The following PROM2 variants were observed in gnomAD, a reference collection of about 807,000 sequenced individuals.
The protein encoded by PROM2 is prominin-2.
Under a neutral mutation model 110.2 loss-of-function variants are expected in PROM2, and 90 were observed. The observed-to-expected ratio is 0.82, with a 90% CI of 0.69 to 0.97. The LOEUF (loss-of-function observed/expected upper bound fraction) is 0.97. PROM2 is among the 50% of genes least tolerant of loss of function. PROM2 has a pLI of 0.00. For synonymous variants in PROM2, 470 were observed against 467.8 expected (o/e 1.00, Z -0.06); for missense variants, 1,009 against 1,074.8 (o/e 0.94, Z 0.86).
chr2:95,277,267 CA>C lies in PROM2; in HGVS notation c.773-96del, dbSNP rs1676725680. On this transcript the variant is annotated intron_variant, in intron 6 of 23. Transcript: ENST00000317620. ...CTGTAGGCAGGAGGTCAATGATTTGCAGGTCCCTTTGGCTGGGGGAGGGGAG... is the reference window on the plus strand; with the variant it reads ...CTGTAGGCAGGAGGTCAATGATTTGCGGTCCCTTTGGCTGGGGGAGGGGAG... 3.7e-6 allele frequency: 5 copies of C among 1,347,280 alleles called. No individual in the cohort carries two copies. The South Asian group carries it at 6.9e-5, about 19-fold the overall frequency. 83.5% of individuals were successfully genotyped at this position (1,347,280 alleles called of 1,614,324 possible).
rs1676551607 is a variant in PROM2, at chr2:95,274,815, A to T, written c.230A>T (p.Asn77Ile). The T allele has an allele frequency of 1.3e-6, 2 of 1,549,410 alleles. No homozygotes were observed. The highest frequency in any genetic ancestry group is 1.7e-6 in the Non-Finnish European group (2 of 1,149,292). Reference protein sequence around the residue: ...VRRFLSVVQLNPFPSELVKAL... With the variant: ...VRRFLSVVQLIPFPSELVKAL... ...CGCTTCCTCTCGGTGGTGCAGCTCA[A>T]TCCTTTCCCTTCAGGTGAGTGTGCC... Residue 77 changes from asparagine (N) to isoleucine (I), a missense_variant, in exon 1 of 24, where the codon AAT becomes ATT. Asn to Ile is a moderately radical substitution (Grantham distance 149, BLOSUM62 -3). Coordinates refer to ENST00000317620, the MANE Select transcript of PROM2 (RefSeq NM_001165978.3).
chr2:95,285,391 G>C (rs1250437405), intron 15 of PROM2, among the ~76,000 whole-genome samples: 1 of 152,210 alleles, frequency 6.6e-6, no homozygotes, highest in Non-Finnish European at 1.5e-5. Context: ...GGACGCATTG[G>C]GAAGTTGCCT....
At chr2:95,283,371 ACAATGTAC>A (rs1677157642) in intron 14 of PROM2, among the ~76,000 whole-genome samples, 1 of 152,206 alleles carries the variant, frequency 6.6e-6, no homozygotes, top group African/African-American at 2.4e-5. Context: ...AGGCCACCTG[ACAATGTAC>A]CAAATGTGGC....
chr2:95,287,551 G>A (rs1454609959), intron 20 of PROM2, 87 bp downstream of exon 20: 23 of 1,408,854 alleles, frequency 1.6e-5, no homozygotes, highest in Non-Finnish European at 2.0e-5. Context: ...CGCCCCCGGA[G>A]CCCCTTGGGG....
chr2:95,277,402 G>A lies in PROM2; in HGVS notation c.811G>A (p.Ala271Thr), dbSNP rs749256106. Residue 271 changes from alanine (A) to threonine (T), a missense_variant, in exon 7 of 24, where the codon GCT becomes ACT. Transcript: ENST00000317620. ...CGTGCACCACCTGCAAACCTTGAAT[G>A]CTACAGTGGTAGAGCTGCAGGCCGG... ...VSVHHLQTLN[A>T]TVVELQAGQQ... is the part of the protein sequence containing the mutation. 17 of 1,613,288 alleles carry A rather than the reference G, an allele frequency of 1.1e-5. No homozygotes were observed. Among genetic ancestry groups the A allele is most frequent in the Non-Finnish European group, 1.3e-5 (15 of 1,179,888 alleles).
chr2:95,278,474 G>A (rs1021867827), intron 8 of PROM2: 42 of 592,204 alleles, frequency 7.1e-5, no homozygotes, highest in Non-Finnish European at 1.1e-4. Flanking sequence ...TGTGGAGGGC[G>A]GCTGAGAGTT....
rs896996529 is a variant in PROM2, at chr2:95,289,284, C to T, written c.*71C>T. The T allele has an allele frequency of 2.4e-5, 12 of 494,050 alleles. No individual in the cohort carries two copies. Among genetic ancestry groups the T allele is most frequent in the South Asian group, 4.3e-5 (2 of 46,094 alleles). 30.6% of individuals were successfully genotyped at this position (494,050 alleles called of 1,614,324 possible). ...TGATTTAGCCTGGGCCACAGGACTT[C>T]GGTAGCTCTTGCCCCAGAGCCCAGG... On this transcript the variant is annotated 3_prime_UTR_variant, in exon 24 of 24. Transcript: ENST00000317620.
At chr2:95,287,526 G>T in intron 20 of PROM2, 62 bp downstream of exon 20, 1 of 1,550,846 alleles carries the variant, frequency 6.4e-7, no homozygotes, top group Non-Finnish European at 8.9e-7. Context: ...TGTTCACCCT[G>T]CTCTGCCCCG....
rs1676575591 is a variant in PROM2 at position 95,275,228 on chromosome 2, T to C, written c.245-233T>C. Reference sequence around the variant, plus strand: ...CCTTTGCCCAGGCTCAGGACTGACCTGTAGGGTCCAGGAGGAGAGGTCTGC... The same window carrying C: ...CCTTTGCCCAGGCTCAGGACTGACCCGTAGGGTCCAGGAGGAGAGGTCTGC... On this transcript the variant is annotated intron_variant, in intron 1 of 23. Transcript: ENST00000317620. This position sits in a 1 kb window ranked among gnomAD's most constrained non-coding sequence, Gnocchi z 4.4. 6.6e-6 allele frequency among the ~76,000 whole-genome samples: 1 copy of C among 152,224 alleles called. No individual in the cohort carries two copies. Among genetic ancestry groups the C allele is most frequent in the South Asian group, 2.1e-4 (1 of 4,832 alleles).
rs1205401777 is a variant in PROM2, at chr2:95,287,607, T to G, written c.2244+143T>G. On this transcript the variant is annotated intron_variant, in intron 20 of 23. Transcript: ENST00000317620. ...CAAACCCAAACTCCCAAACCTGGCA[T>G]CTGCACCCCTGCTTGCTGGCTGAGC... 5 of 734,786 alleles carry G rather than the reference T, an allele frequency of 6.8e-6. No homozygotes were observed. In the Admixed American group the frequency reaches 1.3e-4, roughly 19 times the overall value. The allele number at this position is 734,786 out of a possible 1,614,324, so 45.5% of individuals were successfully genotyped here.
In PROM2 at chr2:95,276,434, T is replaced by C. The variant is rs1676666498; in HGVS notation, c.618+87T>C. ...AGCCGAGTGGGCCCTCGATGGCCCA[T>C]AACCAGCGCATCTGAAAGCCGCCTC... On this transcript the variant is annotated intron_variant, in intron 4 of 23. Coordinates refer to ENST00000317620, the MANE Select transcript of PROM2 (RefSeq NM_001165978.3). This position sits in a 1 kb window ranked among gnomAD's most constrained non-coding sequence, Gnocchi z 4.6. 1 of 1,592,528 alleles carries C rather than the reference T, an allele frequency of 6.3e-7. No homozygotes were observed. Among genetic ancestry groups the C allele is most frequent in the Non-Finnish European group, 8.6e-7 (1 of 1,166,774 alleles).
At chr2:95,281,460 G>A in intron 12 of PROM2, 95 bp downstream of exon 12, 1 of 898,568 alleles carries the variant, frequency 1.1e-6, no homozygotes, top group East Asian at 3.6e-5. Flanking sequence ...GGGTCGGGGG[G>A]TAAAAGGGAG....
intron 18 of PROM2, 38 bp downstream of exon 18, chr2:95,286,895 G>C: frequency 6.2e-7 from 1 of 1,602,328 alleles, no homozygotes; most frequent in South Asian, 1.1e-5. Context: ...TGGAGCACAG[G>C]GGCTGCAGAG....
In PROM2 at chr2:95,276,248, T is replaced by C; in HGVS notation, c.519T>C (p.Phe173=). Residue 173 remains phenylalanine (F), a synonymous_variant, in exon 4 of 24, where the codon TTT becomes TTC. Transcript: ENST00000317620. This position sits in a 1 kb window ranked among gnomAD's most constrained non-coding sequence, Gnocchi z 4.6. ...ACAGGATTGGTGTGGTCTGTGCCTTTGTCACCAACCAGCGCACGCATGAAC... is the reference window on the plus strand; with the variant it reads ...ACAGGATTGGTGTGGTCTGTGCCTTCGTCACCAACCAGCGCACGCATGAAC... ...LLLLIGVVCA[F]VTNQRTHEQM... is the part of the protein sequence containing the mutation. 6.2e-7 allele frequency: 1 copy of C among 1,613,978 alleles called. No individual in the cohort carries two copies. Among genetic ancestry groups the C allele is most frequent in the Non-Finnish European group, 8.5e-7 (1 of 1,180,028 alleles).
chr2:95,274,949 G>T, intron 1 of PROM2, 120 bp downstream of exon 1: 1 of 1,334,508 alleles, frequency 7.5e-7, no homozygotes, highest in Non-Finnish European at 9.9e-7. Flanking sequence ...TCTTCCTGGG[G>T]TAGAAGGCGG....
Position 95,278,144 on chromosome 2 carries a change from G to A in PROM2, c.1050+140G>A, listed in dbSNP as rs77573894. ...ACAGCACCCTGGGCAGGGGACTCCC[G>A]ACGACCATCCTTGGTGTGCACACAA... On this transcript the variant is annotated intron_variant, in intron 8 of 23. Transcript: ENST00000317620. 445 of 679,316 alleles carry A rather than the reference G, an allele frequency of 6.6e-4. 2 individuals are homozygous for A. The East Asian group carries it at 9.2e-3, about 14-fold the overall frequency. The allele number at this position is 679,316 out of a possible 1,614,324, so 42.1% of individuals were successfully genotyped here.
intron 7 of PROM2, 44 bp downstream of exon 7, chr2:95,277,610 G>T (rs766027201): frequency 6.8e-7 from 1 of 1,471,232 alleles, no homozygotes; most frequent in Non-Finnish European, 9.0e-7. Context: ...CGGAGGGCTA[G>T]CTGCCTGCTG....
chr2:95,286,703 C>T (rs1331035099), intron 17 of PROM2, 101 bp from the exon 18 acceptor site: 20 of 702,084 alleles, frequency 2.8e-5, no homozygotes, highest in East Asian at 5.7e-5. Context: ...CCTCTCCCCT[C>T]CTCTCCCCTC....
rs1343717793 is a variant in PROM2 at position 95,282,136 on chromosome 2, C to A, written c.1644-6C>A. 6.2e-7 allele frequency: 1 copy of A among 1,613,634 alleles called. No homozygotes were observed. The highest frequency in any genetic ancestry group is 8.5e-7 in the Non-Finnish European group (1 of 1,179,670). The stretch of plus-strand genomic sequence containing the variant: ...CTCATCGTCTGCACCCCTCACTCCT[C>A]CTCAGGCAGTGCAAGGAAGGGGCAG... On this transcript the variant is annotated splice_polypyrimidine_tract_variant and splice_region_variant and intron_variant, in intron 13 of 23. Coordinates refer to ENST00000317620, the MANE Select transcript of PROM2 (RefSeq NM_001165978.3).
Sources: allele counts gnomAD v4.1 joint callset (sites outside exome capture counted in the v4.1 genomes callset), GRCh38; gene constraint gnomAD v4.1.1; non-coding constraint Gnocchi (gnomAD v3.1); transcripts MANE v1.5; gene names NCBI Gene and HGNC (gene_info 2026-07-23, HGNC 2026-07-21).